The following ZDHHC14 variants were observed in gnomAD, a reference collection of about 807,000 sequenced individuals.
ZDHHC14 encodes zDHHC palmitoyltransferase 14, also known as palmitoyltransferase ZDHHC14.
ZDHHC14 carries 16 observed loss-of-function variants against 47.7 expected under a neutral mutation model. That is an observed-to-expected ratio of 0.34 (90% confidence interval 0.23 to 0.51). ZDHHC14 has a LOEUF of 0.51. Among genes scored for constraint, ZDHHC14 ranks in the 20% least tolerant of loss-of-function variants. The probability of loss-of-function intolerance (pLI) is 0.97; values close to 1 mark genes in which losing one functional copy is unlikely to be tolerated. For synonymous variants in ZDHHC14, 293 were observed against 278.9 expected (o/e 1.05, Z -0.50); for missense variants, 515 against 662.5 (o/e 0.78, Z 2.44).
At chr6:157,625,923 G>A (rs958831993) in intron 3 of ZDHHC14, among the ~76,000 whole-genome samples, 4 of 152,088 alleles carry the variant, frequency 2.6e-5, no homozygotes, top group Admixed American at 6.5e-5. Flanking sequence ...CTAAGACGGC[G>A]CTGGTTTCCC....
intron 1 of ZDHHC14, among the ~76,000 whole-genome samples, chr6:157,482,854 TG>T (rs948605128): frequency 2.0e-5 from 3 of 151,878 alleles, no homozygotes; most frequent in Admixed American, 6.6e-5. Flanking sequence ...GTGATTCTCC[TG>T]CCTCAGCCTC....
intron 2 of ZDHHC14, among the ~76,000 whole-genome samples, chr6:157,573,658 C>A (rs1007434790): frequency 6.6e-6 from 1 of 152,230 alleles, no homozygotes; most frequent in Admixed American, 6.5e-5. Context: ...CAGTGCTTAA[C>A]CCCATGCCCT....
intron 1 of ZDHHC14, among the ~76,000 whole-genome samples, chr6:157,518,195 T>C (rs1780771363): frequency 6.6e-6 from 1 of 152,118 alleles, no homozygotes; most frequent in Non-Finnish European, 1.5e-5. Context: ...TTTTTGTGCT[T>C]CAACTCTAAA....
intron 1 of ZDHHC14, among the ~76,000 whole-genome samples, chr6:157,466,087 C>T (rs537628981): frequency 1.6e-4 from 24 of 152,080 alleles, no homozygotes; most frequent in African/African-American, 5.8e-4. Flanking sequence ...ATAGGCATCT[C>T]GCAGGCGGGC....
At chr6:157,469,207 T>C (rs1779296806) in intron 1 of ZDHHC14, among the ~76,000 whole-genome samples, 1 of 152,174 alleles carries the variant, frequency 6.6e-6, no homozygotes, top group Non-Finnish European at 1.5e-5. Flanking sequence ...CCTAAACATT[T>C]CTTCATCCTA....
intron 1 of ZDHHC14, among the ~76,000 whole-genome samples, chr6:157,507,561 C>T (rs1018701204): frequency 6.6e-6 from 1 of 152,218 alleles, no homozygotes; most frequent in African/African-American, 2.4e-5. Context: ...GAATTTCAGA[C>T]GTGAGCCACT....
intron 2 of ZDHHC14, among the ~76,000 whole-genome samples, chr6:157,559,918 G>C (rs148021837): frequency 3.8e-3 from 583 of 152,306 alleles, no homozygotes; most frequent in African/African-American, 0.013. Context: ...GGGCTGCAGG[G>C]AGCAAAATAG....
intron 7 of ZDHHC14, among the ~76,000 whole-genome samples, chr6:157,649,573 G>A (rs963131475): frequency 3.3e-5 from 5 of 152,204 alleles, no homozygotes; most frequent in Non-Finnish European, 5.9e-5. Flanking sequence ...CACTGAGAGT[G>A]TCCCCTTCCT....
At position 157,582,162 on chromosome 6, in the gene ZDHHC14, G is replaced by A. The variant is rs1252583088; in HGVS notation, c.407-10826G>A. ...TCTGCCCACCTGGGCCTCCCAAAGT[G>A]CTGGGATTACAGGTGTGAGCCACCA... On this transcript the variant is annotated intron_variant, in intron 2 of 8. Transcript: ENST00000359775. The surrounding 1 kb of genome is among the most constrained non-coding windows in gnomAD (Gnocchi z 4.3). Among the ~76,000 whole-genome samples, 2 of 152,246 alleles carry A rather than the reference G, an allele frequency of 1.3e-5. No individual in the cohort carries two copies. The highest frequency in any genetic ancestry group is 4.8e-5 in the African/African-American group (2 of 41,466).
Position 157,537,867 on chromosome 6 carries a change from C to T in ZDHHC14, c.246-4718C>T, listed in dbSNP as rs185042435. On this transcript the variant is annotated intron_variant, in intron 1 of 8. Transcript: ENST00000359775. ...ACAGTGCTTCCTTCAGCTGTGAAGC[C>T]GTGCCAGTCTGTGGGTCAACTGGGA... Among the ~76,000 whole-genome samples the T allele has an allele frequency of 4.1e-4, 62 of 152,274 alleles. 1 individual carries two copies. The highest frequency in any genetic ancestry group is 3.3e-3 in the East Asian group (17 of 5,182).
chr6:157,601,107 G>T (rs977378124), intron 3 of ZDHHC14, among the ~76,000 whole-genome samples: 1 of 152,162 alleles, frequency 6.6e-6, no homozygotes, highest in East Asian at 1.9e-4. Flanking sequence ...CACAAAAATC[G>T]CGAGATAATG....
At chr6:157,451,824 T>C (rs1778810469) in intron 1 of ZDHHC14, among the ~76,000 whole-genome samples, 1 of 152,188 alleles carries the variant, frequency 6.6e-6, no homozygotes, top group African/African-American at 2.4e-5. Context: ...CCTCCCAAAG[T>C]GCTGGGATTA....
At chr6:157,436,906 A>C (rs890217169) in intron 1 of ZDHHC14, among the ~76,000 whole-genome samples, 1 of 152,094 alleles carries the variant, frequency 6.6e-6, no homozygotes, top group Admixed American at 6.5e-5. Flanking sequence ...AGCTGTCTGC[A>C]GGGAGTACAG....
At chr6:157,426,268 G>A (rs571537320) in intron 1 of ZDHHC14, among the ~76,000 whole-genome samples, 26 of 152,248 alleles carry the variant, frequency 1.7e-4, no homozygotes, top group South Asian at 6.2e-4. Context: ...GGGAGGTGGG[G>A]AAGGGACAGC....
At chr6:157,640,216 A>G (rs933916056) in intron 5 of ZDHHC14, among the ~76,000 whole-genome samples, 2 of 152,248 alleles carry the variant, frequency 1.3e-5, no homozygotes, top group Non-Finnish European at 2.9e-5. Flanking sequence ...AAGGGATTAC[A>G]GCCATTTTTA....
chr6:157,516,874 C>G (rs995581148), intron 1 of ZDHHC14, among the ~76,000 whole-genome samples: 1 of 152,192 alleles, frequency 6.6e-6, no homozygotes, highest in Non-Finnish European at 1.5e-5. Flanking sequence ...AACCTGTTCC[C>G]ATGGTATCTG....
chr6:157,398,093 C>T (rs893080079), intron 1 of ZDHHC14, among the ~76,000 whole-genome samples: 12 of 151,534 alleles, frequency 7.9e-5, no homozygotes, highest in African/African-American at 2.2e-4. Context: ...CAGCCCCCCC[C>T]GGCTCCCCAG....
At chr6:157,511,480 A>C (rs1198527347) in intron 1 of ZDHHC14, among the ~76,000 whole-genome samples, 4 of 150,874 alleles carry the variant, frequency 2.7e-5, no homozygotes, top group Non-Finnish European at 5.9e-5. Flanking sequence ...TCCCGGGTTC[A>C]AGCGATTCTC....
chr6:157,600,830 C>T (rs974149125), intron 3 of ZDHHC14, among the ~76,000 whole-genome samples: 4 of 152,182 alleles, frequency 2.6e-5, no homozygotes, highest in African/African-American at 9.7e-5. Context: ...GGTTATGTCA[C>T]GTTGCTTGGC....
Sources: allele counts gnomAD v4.1 joint callset (sites outside exome capture counted in the v4.1 genomes callset), GRCh38; gene constraint gnomAD v4.1.1; non-coding constraint Gnocchi (gnomAD v3.1); transcripts MANE v1.5; gene names NCBI Gene and HGNC (gene_info 2026-07-23, HGNC 2026-07-21).